Variants in CRISPLD2 observed in about 807,000 individuals in gnomAD.
CRISPLD2 encodes cysteine-rich secretory protein LCCL domain-containing 2.
In CRISPLD2, 47 loss-of-function variants were observed where a neutral mutation model predicts 71.1. The ratio of observed to expected loss-of-function variants is 0.66; its 90% CI spans 0.52 to 0.84. CRISPLD2 has a LOEUF of 0.84. CRISPLD2 is among the 40% of genes least tolerant of loss of function. CRISPLD2 has a pLI of 0.00. For synonymous variants in CRISPLD2, 317 were observed against 250.1 expected, an observed-to-expected ratio of 1.27 and a Z score of -2.52; for missense variants, 830 against 651.1, an observed-to-expected ratio of 1.27 and a Z score of -2.99.
chr16:84,900,865 G>C (rs2968152), intron 14 of CRISPLD2, among the ~76,000 whole-genome samples: 1 of 151,774 alleles, frequency 6.6e-6, no homozygotes, highest in Admixed American at 6.6e-5. Flanking sequence ...CAGCATGGGC[G>C]GCATGGTGAA....
chr16:84,878,445 C>T (rs998579037), intron 12 of CRISPLD2, among the ~76,000 whole-genome samples: 2 of 143,126 alleles, frequency 1.4e-5, no homozygotes, highest in Non-Finnish European at 2.9e-5. Flanking sequence ...AGGGTGTGGT[C>T]TTGGGTGTCT....
In CRISPLD2 at chr16:84,854,849, C is replaced by A; in HGVS notation, c.709+20C>A. ...ACCGAGGTAGGAAATTTACTCCCAACACTTTTGCAATGAATTTGCCCTCAG... is the reference window on the plus strand; with the variant it reads ...ACCGAGGTAGGAAATTTACTCCCAAAACTTTTGCAATGAATTTGCCCTCAG... On this transcript the variant is annotated intron_variant, in intron 6 of 14. Transcript: ENST00000262424. The A allele has an allele frequency of 1.3e-6, 2 of 1,580,924 alleles. No homozygotes were observed. The highest frequency in any genetic ancestry group is 1.7e-6 in the Non-Finnish European group (2 of 1,149,852).
At chr16:84,848,989 A>G (rs1350133202) in intron 3 of CRISPLD2, among the ~76,000 whole-genome samples, 1 of 151,008 alleles carries the variant, frequency 6.6e-6, no homozygotes, top group Non-Finnish European at 1.5e-5. Context: ...CCGTCTCAAA[A>G]AAAAAAAAAA....
At position 84,868,874 on chromosome 16, in the gene CRISPLD2, A is replaced by C. The variant is rs866428176; in HGVS notation, c.877A>C (p.Lys293Gln). The change falls in exon 8 of 15, where the codon AAG (lysine) becomes CAG (glutamine). Residue 293 changes from lysine (K) to glutamine (Q), a missense_variant. Coordinates refer to ENST00000262424, the MANE Select transcript of CRISPLD2 (RefSeq NM_031476.4). ...AGCCCAAGTCGTCAGATGTGACACC[A>C]AGATGAAGGACAGGTGCAAAGGGTC... The part of the protein sequence containing the change: ...YMTQVVRCDT[K>Q]MKDRCKGSTC... 6.2e-7 allele frequency: 1 copy of C among 1,611,392 alleles called. No individual in the cohort carries two copies. The highest frequency in any genetic ancestry group is 1.1e-5 in the South Asian group (1 of 90,562).
chr16:84,827,896 G>A (rs556946075), intron 1 of CRISPLD2, among the ~76,000 whole-genome samples: 1 of 152,282 alleles, frequency 6.6e-6, no homozygotes, highest in African/African-American at 2.4e-5. Context: ...GAGCTCAGCA[G>A]GACCTTGCCG....
chr16:84,884,492 G>A (rs1159931533), intron 13 of CRISPLD2, among the ~76,000 whole-genome samples: 1 of 152,232 alleles, frequency 6.6e-6, no homozygotes. Context: ...GCCAGCCGGC[G>A]CTGGATGCAG....
intron 4 of CRISPLD2, among the ~76,000 whole-genome samples, chr16:84,849,857 A>T (rs1917032958): frequency 6.7e-6 from 1 of 149,794 alleles, no homozygotes; most frequent in African/African-American, 2.5e-5. Flanking sequence ...ACCTGGGACT[A>T]CAGTTGTGCA....
At chr16:84,872,623 T>C in intron 9 of CRISPLD2, 115 bp downstream of exon 9, 1 of 936,924 alleles carries the variant, frequency 1.1e-6, no homozygotes, top group Non-Finnish European at 1.7e-6. Flanking sequence ...TAGTCAAACC[T>C]GGCATTTCTA....
intron 1 of CRISPLD2, chr16:84,828,885 A>G (rs1037552674): frequency 6.6e-6 from 1 of 152,166 alleles, no homozygotes; most frequent in African/African-American, 2.4e-5. Flanking sequence ...GCATCCAGAC[A>G]TATTGACTCA....
chr16:84,883,515 G>T (rs1044748346), intron 13 of CRISPLD2, among the ~76,000 whole-genome samples: 1 of 152,184 alleles, frequency 6.6e-6, no homozygotes, highest in African/African-American at 2.4e-5. Flanking sequence ...CCCACTTGGT[G>T]CTTGGATACG....
At chr16:84,850,080 C>CT (rs1263308024) in intron 4 of CRISPLD2, among the ~76,000 whole-genome samples, 6 of 137,400 alleles carry the variant, frequency 4.4e-5, no homozygotes, top group Non-Finnish European at 9.5e-5. Flanking sequence ...GTGTGGGAGT[C>CT]TGTTTGTTTG....
At chr16:84,882,362 A>AAAAAAAAAAAC (rs2071575792) in intron 13 of CRISPLD2, among the ~76,000 whole-genome samples, 1 of 149,052 alleles carries the variant, frequency 6.7e-6, no homozygotes, top group Non-Finnish European at 1.5e-5. Context: ...AAAAAAAAAA[A>AAAAAAAAAAAC]AAAAAAAAAG....
At position 84,866,122 on chromosome 16, in the gene CRISPLD2, C is replaced by T. The variant is rs56997091; in HGVS notation, c.710-775C>T. On this transcript the variant is annotated intron_variant, in intron 6 of 14. Coordinates refer to ENST00000262424, the MANE Select transcript of CRISPLD2 (RefSeq NM_031476.4). ...TAGGAGCACTGAGGCTGGCCTTGTG[C>T]ACCGTGATGTGTGCATGATGAGGAA... Among the ~76,000 whole-genome samples the T allele has an allele frequency of 5.6e-3, 858 of 152,230 alleles. 10 individuals carry two copies. The highest frequency in any genetic ancestry group is 0.02 in the African/African-American group (817 of 41,538).
At chr16:84,885,143 G>A (rs1430195797) in intron 13 of CRISPLD2, among the ~76,000 whole-genome samples, 3 of 152,208 alleles carry the variant, frequency 2.0e-5, no homozygotes, top group East Asian at 1.9e-4. Flanking sequence ...TCCAGCCCTC[G>A]GGTAGGGGCG....
intron 5 of CRISPLD2, among the ~76,000 whole-genome samples, chr16:84,853,671 C>G (rs1199612965): frequency 1.3e-5 from 2 of 152,226 alleles, no homozygotes; most frequent in Non-Finnish European, 2.9e-5. Context: ...CAGGGCCCCT[C>G]CCCATCTTCC....
chr16:84,837,268 A>T (rs746678489), intron 1 of CRISPLD2, among the ~76,000 whole-genome samples: 1 of 151,930 alleles, frequency 6.6e-6, no homozygotes, highest in South Asian at 2.1e-4. Context: ...AATGGAGGGG[A>T]GGTAGTTGGC....
intron 11 of CRISPLD2, among the ~76,000 whole-genome samples, chr16:84,875,019 T>C (rs780560472): frequency 3.9e-5 from 6 of 152,092 alleles, no homozygotes; most frequent in Non-Finnish European, 7.4e-5. Context: ...GGCGGGAGGA[T>C]TGCTTGAGCC....
intron 13 of CRISPLD2, among the ~76,000 whole-genome samples, chr16:84,886,116 C>T (rs1276586377): frequency 6.6e-6 from 1 of 152,140 alleles, no homozygotes; most frequent in Non-Finnish European, 1.5e-5. Context: ...TCTCAAACTC[C>T]TGTCCTCAGG....
At position 84,849,292 on chromosome 16, in the gene CRISPLD2, C is replaced by A. The variant is rs1917008767; in HGVS notation, c.360-93C>A. The A allele has an allele frequency of 1.5e-5, 19 of 1,290,264 alleles. 1 individual carries two copies. In the South Asian group the frequency reaches 2.9e-4, roughly 20 times the overall value. The allele number at this position is 1,290,264 out of a possible 1,614,324, so 79.9% of individuals were successfully genotyped here. On this transcript the variant is annotated intron_variant, in intron 3 of 14. Coordinates refer to ENST00000262424, the MANE Select transcript of CRISPLD2 (RefSeq NM_031476.4). ...ATTGGCCGCTATTCACCCTCCTCGG[C>A]CTCCCTCCCTCCTACCTGCCCGTGG... is the stretch of plus-strand genomic sequence containing the variant.
Sources: allele counts gnomAD v4.1 joint callset (sites outside exome capture counted in the v4.1 genomes callset), GRCh38; gene constraint gnomAD v4.1.1; transcripts MANE v1.5; gene names NCBI Gene and HGNC (gene_info 2026-07-23, HGNC 2026-07-21).